AARS2: variants seen among roughly 807,000 people sequenced by gnomAD.
AARS2 encodes the protein alanyl-tRNA synthetase 2, mitochondrial.
Under a neutral mutation model 119.7 loss-of-function variants are expected in AARS2, and 78 were observed. The observed-to-expected ratio is 0.65, with a 90% CI of 0.54 to 0.79. The LOEUF (loss-of-function observed/expected upper bound fraction) is 0.79. AARS2 is among the 30% of genes least tolerant of loss of function. The pLI is 0.00. For synonymous variants in AARS2, 502 were observed against 526.3 expected, an observed-to-expected ratio of 0.95 and a Z score of 0.63; for missense variants, 1,157 against 1,291.3, an observed-to-expected ratio of 0.90 and a Z score of 1.59.
intron 4 of AARS2, among the ~76,000 whole-genome samples, chr6:44,310,676 G>A (rs1276129454): frequency 6.6e-6 from 1 of 152,160 alleles, no homozygotes; most frequent in Non-Finnish European, 1.5e-5. Flanking sequence ...GCCCTTGCCT[G>A]GGCACCAGAC....
chr6:44,311,016 G>C lies in AARS2; in HGVS notation c.727C>G (p.Leu243Val). ...TACCTGTTGTGTTGCATGAAGACCA[G>C]GTTCCAAAGCTCTACCAGCTGGGGG... Reference protein sequence around the residue: ...GAPQLVELWNLVFMQHNREAD... With the variant: ...GAPQLVELWNVVFMQHNREAD... The change falls in exon 4 of 22, where the codon CTG becomes GTG. Residue 243 changes from leucine to valine, a missense_variant. Leu to Val is a conservative substitution (Grantham distance 32). Transcript: ENST00000244571. 1 of 1,614,008 alleles carries C rather than the reference G, an allele frequency of 6.2e-7. No individual in the cohort carries two copies. Among genetic ancestry groups the C allele is most frequent in the Non-Finnish European group, 8.5e-7 (1 of 1,180,042 alleles).
rs1294169573 is a variant in AARS2, at chr6:44,305,077, G to T, written c.1556C>A (p.Ser519Tyr). 6.2e-7 allele frequency: 1 copy of T among 1,614,156 alleles called. No individual in the cohort carries two copies. Residue 519 changes from serine (S) to tyrosine (Y), a missense_variant, in exon 11 of 22, where the codon TCC becomes TAC. Coordinates refer to ENST00000244571, the MANE Select transcript of AARS2 (RefSeq NM_020745.4). This position sits in a 1 kb window ranked among gnomAD's most constrained non-coding sequence, Gnocchi z 4.6. The part of the protein sequence containing the change: ...PTDDSPKYNY[S>Y]LRPSGSYEFG... ...ACCATAACTTCCGCTGGGTCGCAGG[G>T]AGTAGTTGTACTTGGGGCTGTCGTC...
At position 44,302,397 on chromosome 6, in the gene AARS2, G is replaced by T. The variant is rs1785435962; in HGVS notation, c.2481C>A (p.Leu827=). ...TGGTAGGCGTGGCCCTCACTTCAATGAGTCGTCCTATGTCCTTGGACAGCC... is the reference window on the plus strand; with the variant it reads ...TGGTAGGCGTGGCCCTCACTTCAATTAGTCGTCCTATGTCCTTGGACAGCC... The part of the protein sequence containing the change: ...ALRLSKDIGR[L]IEAVETAVMP... Residue 827 remains leucine (L), a synonymous_variant, in exon 18 of 22, where the codon CTC becomes CTA. Transcript: ENST00000244571. The T allele has an allele frequency of 6.2e-7, 1 of 1,614,006 alleles. No individual in the cohort carries two copies. Among genetic ancestry groups the T allele is most frequent in the African/African-American group, 1.3e-5 (1 of 74,922 alleles).
At chr6:44,312,833 G>A (rs910148228) in intron 1 of AARS2, among the ~76,000 whole-genome samples, 3 of 152,038 alleles carry the variant, frequency 2.0e-5, no homozygotes, top group African/African-American at 7.3e-5. Context: ...CTTCTCCCTC[G>A]GGATTCCACT....
Position 44,311,390 on chromosome 6 carries a change from C to T in AARS2, c.581G>A (p.Gly194Glu). 7 of 1,614,184 alleles carry T rather than the reference C, an allele frequency of 4.3e-6. No individual in the cohort carries two copies. Among genetic ancestry groups the T allele is most frequent in the East Asian group, 2.2e-5 (1 of 44,872 alleles). The change falls in exon 3 of 22, where the codon GGG becomes GAG. Residue 194 changes from glycine (G) to glutamate (E), a missense_variant and splice_region_variant. Gly to Glu is a moderately conservative substitution (Grantham distance 98, BLOSUM62 -2). Coordinates refer to ENST00000244571, the MANE Select transcript of AARS2 (RefSeq NM_020745.4). Reference sequence around the variant, plus strand: ...GAACATAAGAAGGGGGCTGACTTACCCTAAGCTCAGCCAGATGTCCCTGGT... The same window carrying T: ...GAACATAAGAAGGGGGCTGACTTACTCTAAGCTCAGCCAGATGTCCCTGGT... The part of the protein sequence containing the change: ...LETRDIWLSL[G>E]VPASRVLSFG...
At chr6:44,302,666 A>G in intron 17 of AARS2, 136 bp downstream of exon 17, 1 of 1,468,000 alleles carries the variant, frequency 6.8e-7, no homozygotes, top group South Asian at 1.2e-5. Context: ...AGCTGCCAAT[A>G]GCTGATATGG....
rs769396726 is a variant in AARS2, at chr6:44,311,179, TGA to T, written c.582-20_582-19del. ...CAGGCACCCTGGGGAGAAAAGCAGGTGAGTGGTGGGAGACAGACAGACCCAGA... is the reference window on the plus strand; with the variant it reads ...CAGGCACCCTGGGGAGAAAAGCAGGTGTGGTGGGAGACAGACAGACCCAGA... On this transcript the variant is annotated intron_variant, in intron 3 of 21. Transcript: ENST00000244571. 1 of 1,613,942 alleles carries T rather than the reference TGA, an allele frequency of 6.2e-7. No individual in the cohort carries two copies. The highest frequency in any genetic ancestry group is 1.1e-5 in the South Asian group (1 of 91,058).
chr6:44,303,028 G>C (rs1351898002), intron 16 of AARS2, 38 bp downstream of exon 16: 1 of 1,610,602 alleles, frequency 6.2e-7, no homozygotes, highest in Non-Finnish European at 8.5e-7. Flanking sequence ...GCAAGGATCC[G>C]GGGCCCCTGG....
chr6:44,311,960 A>G (rs1290222794), intron 2 of AARS2, 112 bp downstream of exon 2: 2 of 1,314,858 alleles, frequency 1.5e-6, no homozygotes, highest in African/African-American at 2.9e-5. Context: ...CACCGGCTCA[A>G]CTAGCACTTT....
rs1434646473 is a variant in AARS2 at position 44,301,381 on chromosome 6, T to C, written c.2682A>G (p.Ser894=). The C allele has an allele frequency of 3.7e-6, 6 of 1,613,988 alleles. No homozygotes were observed. Among genetic ancestry groups the C allele is most frequent in the African/African-American group, 2.7e-5 (2 of 75,034 alleles). ...IVDTVSAESL[S]VLVKVVRQLC... is the part of the protein sequence containing the mutation. ...GCAGCCCGGCTTGGCTAGCACTCAC[T>C]GAGAGAGACTCAGCAGAGACTGTGT... is the stretch of plus-strand genomic sequence containing the variant. The change falls in exon 20 of 22, where the codon TCA becomes TCG. Residue 894 remains serine (S), a splice_region_variant and synonymous_variant. Coordinates refer to ENST00000244571, the MANE Select transcript of AARS2 (RefSeq NM_020745.4).
Position 44,304,413 on chromosome 6 carries a change from T to C in AARS2, c.1866+7A>G, listed in dbSNP as rs1206445205. On this transcript the variant is annotated splice_region_variant and intron_variant, in intron 13 of 21. Coordinates refer to ENST00000244571, the MANE Select transcript of AARS2 (RefSeq NM_020745.4). ...GGGTATTGGGAACAGTTAGGGAGGATCCTTACCTCATCCACATGCAGCTGC... is the reference window on the plus strand; with the variant it reads ...GGGTATTGGGAACAGTTAGGGAGGACCCTTACCTCATCCACATGCAGCTGC... 1 of 1,613,856 alleles carries C rather than the reference T, an allele frequency of 6.2e-7. No individual in the cohort carries two copies. Among genetic ancestry groups the C allele is most frequent in the Non-Finnish European group, 8.5e-7 (1 of 1,179,962 alleles).
chr6:44,302,939 C>T (rs376827399), intron 16 of AARS2, 29 bp from the exon 17 acceptor site: 48 of 1,609,570 alleles, frequency 3.0e-5, no homozygotes, highest in Middle Eastern at 1.6e-4. Flanking sequence ...AACAGAAAGT[C>T]GGGGCATGAC....
chr6:44,310,205 G>A (rs1786225119), intron 5 of AARS2, 94 bp downstream of exon 5: 1 of 1,484,006 alleles, frequency 6.7e-7, no homozygotes. Context: ...CAGATGCTGA[G>A]AACACTCTGA....
chr6:44,310,203 G>C, intron 5 of AARS2, 96 bp downstream of exon 5: 1 of 1,480,560 alleles, frequency 6.8e-7, no homozygotes, highest in Non-Finnish European at 9.2e-7. Context: ...CTCAGATGCT[G>C]AGAACACTCT....
chr6:44,301,625 T>G (rs1030274670), intron 19 of AARS2, among the ~76,000 whole-genome samples, 161 bp from the exon 20 acceptor site: 1 of 151,962 alleles, frequency 6.6e-6, no homozygotes, highest in African/African-American at 2.4e-5. Context: ...CTGCCTAGGG[T>G]GGCCTCCTTT....
intron 2 of AARS2, 27 bp from the exon 3 acceptor site, chr6:44,311,562 G>T (rs771712715): frequency 8.7e-6 from 14 of 1,608,964 alleles, no homozygotes; most frequent in Non-Finnish European, 1.1e-5. Flanking sequence ...CATGGGGTGG[G>T]GGGGGAAGAC....
Position 44,305,535 on chromosome 6 carries a change from G to A in AARS2, c.1434+118C>T, listed in dbSNP as rs375228369. ...GTTTTAGAAACCTCCCAGGTGAGGG[G>A]ACAGATCCTATCTCAGCCTCTTGAT... is the stretch of plus-strand genomic sequence containing the variant. On this transcript the variant is annotated intron_variant, in intron 10 of 21. Transcript: ENST00000244571. The surrounding 1 kb of genome is among the most constrained non-coding windows in gnomAD (Gnocchi z 4.6). The A allele has an allele frequency of 2.8e-5, 43 of 1,512,862 alleles. 1 individual carries two copies. The South Asian group carries it at 3.2e-4, about 11-fold the overall frequency. 93.7% of individuals were successfully genotyped at this position (1,512,862 alleles called of 1,614,324 possible). A position where few individuals can be genotyped will look rare whatever the true frequency, so the allele number is the denominator to read the frequency against.
Position 44,300,417 on chromosome 6 carries a change from G to T in AARS2, c.*130C>A. The stretch of plus-strand genomic sequence containing the variant: ...GTGTCACGTAGGCCCTGGCCCAGGT[G>T]ATCTTCTTTGGCTCAGCTGCTTGGC... On this transcript the variant is annotated 3_prime_UTR_variant, in exon 22 of 22. Coordinates refer to ENST00000244571, the MANE Select transcript of AARS2 (RefSeq NM_020745.4). 7.4e-7 allele frequency: 1 copy of T among 1,356,274 alleles called. No individual in the cohort carries two copies. The highest frequency in any genetic ancestry group is 1.0e-6 in the Non-Finnish European group (1 of 957,352). 84.0% of individuals were successfully genotyped at this position (1,356,274 alleles called of 1,614,324 possible).
rs953883385 is a variant in AARS2 at position 44,300,122 on chromosome 6, G to T, written c.*425C>A. Reference sequence around the variant, plus strand: ...AGCCTCCCGAGTAGCTGGGACTACAGGCGTGTGCCACCACACCCGGCTAAT... The same window carrying T: ...AGCCTCCCGAGTAGCTGGGACTACATGCGTGTGCCACCACACCCGGCTAAT... On this transcript the variant is annotated 3_prime_UTR_variant, in exon 22 of 22. Transcript: ENST00000244571. 3.9e-6 allele frequency: 1 copy of T among 257,918 alleles called. No homozygotes were observed. Among genetic ancestry groups the T allele is most frequent in the South Asian group, 4.6e-5 (1 of 21,808 alleles). The allele number at this position is 257,918 out of a possible 1,614,324, so 16.0% of individuals were successfully genotyped here. A position where few individuals can be genotyped will look rare whatever the true frequency, so the allele number is the denominator to read the frequency against.
Sources: gnomAD v4.1 joint callset for allele counts (sites outside exome capture counted in the v4.1 genomes callset) on GRCh38, gnomAD v4.1.1 for gene constraint, Gnocchi (gnomAD v3.1) non-coding constraint, MANE v1.5 for transcripts, NCBI Gene and HGNC (gene_info 2026-07-23, HGNC 2026-07-21) for gene names.